The following FREM1 variants were observed in gnomAD, a reference collection of about 807,000 sequenced individuals.
The protein encoded by FREM1 is FRAS1-related extracellular matrix protein 1.
FREM1 carries 220 observed loss-of-function variants against 210.1 expected under a neutral mutation model. The observed-to-expected ratio is 1.05, with a 90% confidence interval of 0.94 to 1.17. FREM1 has a LOEUF of 1.17. Among genes scored for constraint, FREM1 ranks in the 50% most tolerant of loss-of-function variants. FREM1 has a pLI of 0.00. For synonymous variants in FREM1, 1,189 were observed against 980.2 expected (o/e 1.21, Z -3.98); for missense variants, 3,454 against 2,675.5 (o/e 1.29, Z -6.42).
intron 21 of FREM1, among the ~76,000 whole-genome samples, chr9:14,795,464 A>G (rs1852199506): frequency 6.6e-6 from 1 of 152,230 alleles, no homozygotes; most frequent in African/African-American, 2.4e-5. Context: ...AGGAAAAAAT[A>G]ATGGAGCAGT....
rs12339640 is a variant in FREM1 at position 14,836,325 on chromosome 9, A to G, written c.1881+5122T>C. On this transcript the variant is annotated intron_variant, in intron 10 of 36. Transcript: ENST00000380880. The surrounding 1 kb of genome is among the most constrained non-coding windows in gnomAD (Gnocchi z 4.9). ...CTTAATTATTATCCTTATAACTGGG[A>G]TAATAGTTACTGACAAAAAGAAAGC... Among the ~76,000 whole-genome samples, 7,264 of 152,332 alleles carry G rather than the reference A, an allele frequency of 0.048. 230 individuals carry two copies. The highest frequency in any genetic ancestry group is 0.074 in the Non-Finnish European group (5,020 of 68,036).
chr9:14,865,506 G>A (rs910109927), intron 2 of FREM1, among the ~76,000 whole-genome samples: 1 of 152,158 alleles, frequency 6.6e-6, no homozygotes, highest in Non-Finnish European at 1.5e-5. Flanking sequence ...AACACTAATT[G>A]AACAGATGTT....
At position 14,859,245 on chromosome 9, in the gene FREM1, A is replaced by C. The variant is rs1475668267; in HGVS notation, c.569T>G (p.Leu190Arg). Residue 190 changes from leucine (L) to arginine (R), a missense_variant, in exon 4 of 37, where the codon CTC (leucine) becomes CGC (arginine). Coordinates refer to ENST00000380880, the MANE Select transcript of FREM1 (RefSeq NM_001379081.2). ...TRLPAHGQMV[L>R]GEPRPEEPRG... is the part of the protein sequence containing the mutation. ...AGGTTCTTCTGGTCGAGGCTCCCCGAGAACCATCTGGCCATGGGCTGGCAG... is the reference window on the plus strand; with the variant it reads ...AGGTTCTTCTGGTCGAGGCTCCCCGCGAACCATCTGGCCATGGGCTGGCAG... The C allele has an allele frequency of 5.6e-6, 9 of 1,612,630 alleles. No individual in the cohort carries two copies. The highest frequency in any genetic ancestry group is 6.8e-6 in the Non-Finnish European group (8 of 1,178,834).
chr9:14,800,487 C>T lies in FREM1; in HGVS notation c.3694+1165G>A, dbSNP rs545468247. ...ATAATTCAGGCTGCTATGCAATGTG[C>T]CATTTCTCTAAAGAGTAAATTATCC... On this transcript the variant is annotated intron_variant, in intron 20 of 36. Coordinates refer to ENST00000380880, the MANE Select transcript of FREM1 (RefSeq NM_001379081.2). Among the ~76,000 whole-genome samples, 15 of 152,252 alleles carry T rather than the reference C, an allele frequency of 9.9e-5. No individual in the cohort carries two copies. In the East Asian group the frequency reaches 2.7e-3, roughly 27 times the overall value.
At chr9:14,804,138 A>G (rs1258134685) in intron 19 of FREM1, among the ~76,000 whole-genome samples, 1 of 152,240 alleles carries the variant, frequency 6.6e-6, no homozygotes, top group Non-Finnish European at 1.5e-5. Flanking sequence ...ATGGAAGCCC[A>G]GCTATCTACA....
At chr9:14,776,326 T>C (rs948132507) in intron 24 of FREM1, 123 bp from the exon 25 acceptor site, 2 of 1,148,154 alleles carry the variant, frequency 1.7e-6, no homozygotes, top group African/African-American at 1.5e-5. Context: ...AAATGAAAAA[T>C]CAAGGGCAGA....
intron 21 of FREM1, among the ~76,000 whole-genome samples, chr9:14,793,960 G>A (rs1259081308): frequency 6.6e-6 from 1 of 152,204 alleles, no homozygotes; most frequent in Non-Finnish European, 1.5e-5. Context: ...CAATCAGTTG[G>A]TTGAGGGCTT....
chr9:14,829,395 C>G (rs1024939021), intron 10 of FREM1, among the ~76,000 whole-genome samples: 4 of 152,134 alleles, frequency 2.6e-5, no homozygotes, highest in Non-Finnish European at 4.4e-5. Flanking sequence ...GTTGCCATGA[C>G]TGTCATCAAA....
At chr9:14,855,012 T>C (rs867144855) in intron 5 of FREM1, among the ~76,000 whole-genome samples, 3 of 152,084 alleles carry the variant, frequency 2.0e-5, no homozygotes, top group South Asian at 4.1e-4. Flanking sequence ...ATAGTTCTAA[T>C]TGGATACTGA....
chr9:14,774,001 C>G (rs1848074413), intron 25 of FREM1: 1 of 477,004 alleles, frequency 2.1e-6, no homozygotes, highest in East Asian at 6.0e-5. Flanking sequence ...GGGAAAGTGA[C>G]TAAGATCAAT....
At chr9:14,904,330 C>T (rs962037621) in intron 1 of FREM1, among the ~76,000 whole-genome samples, 1 of 152,014 alleles carries the variant, frequency 6.6e-6, no homozygotes, top group Admixed American at 6.6e-5. Flanking sequence ...AGAAGACAAG[C>T]TTTATCCAAT....
intron 6 of FREM1, among the ~76,000 whole-genome samples, chr9:14,849,117 T>C (rs1441780796): frequency 6.6e-6 from 1 of 152,076 alleles, no homozygotes; most frequent in Non-Finnish European, 1.5e-5. Context: ...AGAGAAGTGG[T>C]TTTCAACTAG....
chr9:14,878,317 C>T (rs1834150075), intron 1 of FREM1, among the ~76,000 whole-genome samples: 1 of 152,022 alleles, frequency 6.6e-6, no homozygotes, highest in Admixed American at 6.6e-5. Flanking sequence ...AAATCAAGAT[C>T]CATTCCTCCC....
Position 14,899,715 on chromosome 9 carries a change from T to C in FREM1, c.-268+10199A>G, listed in dbSNP as rs78824459. On this transcript the variant is annotated intron_variant, in intron 1 of 36. Coordinates refer to ENST00000380880, the MANE Select transcript of FREM1 (RefSeq NM_001379081.2). ...AATAGGCTATATTCAAAATATTGGT[T>C]TGCAAGAAATTTGTCTAGAGGTAGA... Among the ~76,000 whole-genome samples, 865 of 152,322 alleles carry C rather than the reference T, an allele frequency of 5.7e-3. 9 individuals are homozygous for C. The highest frequency in any genetic ancestry group is 0.02 in the African/African-American group (829 of 41,558).
chr9:14,906,155 G>C (rs771435904), intron 1 of FREM1, among the ~76,000 whole-genome samples: 1 of 152,124 alleles, frequency 6.6e-6, no homozygotes, highest in African/African-American at 2.4e-5. Flanking sequence ...CTTCATAAAC[G>C]AACATCTAGT....
chr9:14,901,233 A>G (rs1333185866), intron 1 of FREM1, among the ~76,000 whole-genome samples: 1 of 152,222 alleles, frequency 6.6e-6, no homozygotes, highest in Non-Finnish European at 1.5e-5. Context: ...AGCACATTAG[A>G]AGGAGATTTG....
chr9:14,805,516 G>C (rs1818196190), intron 18 of FREM1, among the ~76,000 whole-genome samples: 1 of 152,194 alleles, frequency 6.6e-6, no homozygotes, highest in South Asian at 2.1e-4. Flanking sequence ...TATAAAAAGA[G>C]ACCACCTCCG....
chr9:14,860,730 C>T lies in FREM1; in HGVS notation c.330-1246G>A, dbSNP rs1392801120. Among the ~76,000 whole-genome samples, 3 of 122,108 alleles carry T rather than the reference C, an allele frequency of 2.5e-5. No individual in the cohort carries two copies. The South Asian group carries it at 7.1e-4, about 29-fold the overall frequency. 80.1% of individuals were successfully genotyped at this position (122,108 alleles called of 152,430 possible). On this transcript the variant is annotated intron_variant, in intron 3 of 36. Transcript: ENST00000380880. ...ACACACATATATACACATATATACA[C>T]ATATATACACATATATATGCACATA...
At chr9:14,783,290 T>C (rs1438786333) in intron 24 of FREM1, among the ~76,000 whole-genome samples, 1 of 152,194 alleles carries the variant, frequency 6.6e-6, no homozygotes. Context: ...AAAAGTAAGA[T>C]AGAGGACAGT....
Sources: gnomAD v4.1 joint callset for allele counts (sites outside exome capture counted in the v4.1 genomes callset) on GRCh38, gnomAD v4.1.1 for gene constraint, Gnocchi (gnomAD v3.1) non-coding constraint, MANE v1.5 for transcripts, NCBI Gene and HGNC (gene_info 2026-07-23, HGNC 2026-07-21) for gene names.